The following KATNAL1 variants were observed in gnomAD, a reference collection of about 807,000 sequenced individuals.
KATNAL1 encodes katanin p60 ATPase-containing subunit A-like 1.
In KATNAL1, 32 loss-of-function variants were observed where a neutral mutation model predicts 55.2. The observed-to-expected ratio is 0.58, with a 90% confidence interval of 0.44 to 0.78. KATNAL1 has a LOEUF of 0.78. Among genes scored for constraint, KATNAL1 ranks in the 30% least tolerant of loss-of-function variants. The pLI is 0.00. For missense variants in KATNAL1, 466 were observed against 600.9 expected (o/e 0.78, Z 2.35); for synonymous variants, 193 against 193.6 (o/e 1.00, Z 0.02).
chr13:30,257,725 A>C (rs913916767), intron 3 of KATNAL1, among the ~76,000 whole-genome samples: 1 of 152,068 alleles, frequency 6.6e-6, no homozygotes, highest in Non-Finnish European at 1.5e-5. Context: ...GCCATTACTG[A>C]CCTTGTTCTG....
intron 3 of KATNAL1, among the ~76,000 whole-genome samples, chr13:30,268,049 T>C (rs898202029): frequency 6.6e-6 from 1 of 152,106 alleles, no homozygotes; most frequent in South Asian, 2.1e-4. Context: ...ATTTGTGGAG[T>C]GAAGCGAAAG....
intron 2 of KATNAL1, chr13:30,281,926 A>C (rs1001853749): frequency 6.6e-6 from 1 of 152,186 alleles, no homozygotes; most frequent in Admixed American, 6.5e-5. Flanking sequence ...CAGGTGAAAA[A>C]CACGAGCTTA....
intron 1 of KATNAL1, among the ~76,000 whole-genome samples, chr13:30,293,898 A>T (rs982941579): frequency 6.6e-6 from 1 of 152,198 alleles, no homozygotes; most frequent in Non-Finnish European, 1.5e-5. Context: ...TAATTCTCAC[A>T]ATATTCCAAA....
At chr13:30,300,061 T>C (rs538325795) in intron 1 of KATNAL1, among the ~76,000 whole-genome samples, 6 of 152,086 alleles carry the variant, frequency 3.9e-5, no homozygotes, top group Admixed American at 6.6e-5. Flanking sequence ...ATTGAAAAAA[T>C]GAAAAGCTAG....
intron 6 of KATNAL1, among the ~76,000 whole-genome samples, chr13:30,231,847 CAT>C (rs1292758962): frequency 3.9e-5 from 6 of 152,176 alleles, no homozygotes; most frequent in Admixed American, 3.3e-4. Flanking sequence ...TTTTCTATCA[CAT>C]GTGGCAGAAT....
At chr13:30,306,173 G>A (rs1031156513) in intron 1 of KATNAL1, among the ~76,000 whole-genome samples, 2 of 152,154 alleles carry the variant, frequency 1.3e-5, no homozygotes, top group African/African-American at 4.8e-5. Flanking sequence ...GGTCGTCAAG[G>A]AAGGTTTCGT....
At chr13:30,305,366 T>G (rs1883115028) in intron 1 of KATNAL1, among the ~76,000 whole-genome samples, 1 of 152,238 alleles carries the variant, frequency 6.6e-6, no homozygotes, top group African/African-American at 2.4e-5. Flanking sequence ...CTAGAATGAC[T>G]TTCCTCATCA....
intron 3 of KATNAL1, among the ~76,000 whole-genome samples, chr13:30,277,966 G>A (rs1880976736): frequency 2.7e-5 from 3 of 113,042 alleles, no homozygotes; most frequent in African/African-American, 1.1e-4. Context: ...CTGGGGGACA[G>A]AGCGAGACTC....
intron 1 of KATNAL1, chr13:30,296,324 A>G (rs1167228870): frequency 4.3e-6 from 5 of 1,159,846 alleles, no homozygotes; most frequent in Non-Finnish European, 6.3e-6. Context: ...TGCAGTCAGC[A>G]GCCATGCCGA....
intron 9 of KATNAL1, among the ~76,000 whole-genome samples, chr13:30,221,420 T>G (rs1435252565): frequency 1.3e-5 from 2 of 152,238 alleles, no homozygotes; most frequent in Admixed American, 6.5e-5. Context: ...ATACATAATC[T>G]GTAATCCCTA....
chr13:30,293,582 A>G (rs1882282853), intron 1 of KATNAL1, among the ~76,000 whole-genome samples: 1 of 152,208 alleles, frequency 6.6e-6, no homozygotes, highest in Non-Finnish European at 1.5e-5. Context: ...ACAGTTGATG[A>G]GTTTTGAAAA....
At chr13:30,208,830 A>T in intron 10 of KATNAL1, 92 bp from the exon 11 acceptor site, 1 of 886,132 alleles carries the variant, frequency 1.1e-6, no homozygotes, top group South Asian at 2.2e-5. Flanking sequence ...AAATCAAAAG[A>T]TTATTTTATA....
At chr13:30,245,256 A>T (rs952961076) in intron 4 of KATNAL1, among the ~76,000 whole-genome samples, 2 of 152,188 alleles carry the variant, frequency 1.3e-5, no homozygotes, top group African/African-American at 2.4e-5. Flanking sequence ...CAACATACGC[A>T]AATCAAAAAT....
chr13:30,260,561 T>C (rs1879191149), intron 3 of KATNAL1, among the ~76,000 whole-genome samples: 1 of 151,986 alleles, frequency 6.6e-6, no homozygotes, highest in African/African-American at 2.4e-5. Flanking sequence ...GCTCGAGAAC[T>C]ACGCAAAGAA....
chr13:30,266,821 A>T (rs1320589225), intron 3 of KATNAL1, among the ~76,000 whole-genome samples: 1 of 152,212 alleles, frequency 6.6e-6, no homozygotes, highest in Non-Finnish European at 1.5e-5. Context: ...GTAAACCAGA[A>T]ATTTCAGATG....
At position 30,255,526 on chromosome 13, in the gene KATNAL1, C is replaced by A; in HGVS notation, c.413G>T (p.Arg138Leu). The A allele has an allele frequency of 6.3e-7, 1 of 1,599,416 alleles. No homozygotes were observed. Among genetic ancestry groups the A allele is most frequent in the South Asian group, 1.1e-5 (1 of 89,624 alleles). Reference protein sequence around the residue: ...AGVGARGPVGRAHPISKSEKP... With the variant: ...AGVGARGPVGLAHPISKSEKP... Reference sequence around the variant, plus strand: ...TTCACTCTTTGATATAGGATGTGCTCGGCCTACAGGTCCCCGGGCTCCTAC... The same window carrying A: ...TTCACTCTTTGATATAGGATGTGCTAGGCCTACAGGTCCCCGGGCTCCTAC... Residue 138 changes from arginine to leucine, a missense_variant, in exon 4 of 11, where the codon CGA becomes CTA. Physicochemically the swap from Arg to Leu is moderately radical, Grantham distance 102. Coordinates refer to ENST00000380615, the MANE Select transcript of KATNAL1 (RefSeq NM_032116.5).
intron 3 of KATNAL1, among the ~76,000 whole-genome samples, chr13:30,265,418 G>A (rs200023859): frequency 1.1e-3 from 166 of 149,854 alleles, no homozygotes; most frequent in Non-Finnish European, 1.9e-3. Flanking sequence ...TAAAAAAAAA[G>A]AAAAAAAAGC....
At chr13:30,298,187 TG>T (rs1458923441) in intron 1 of KATNAL1, among the ~76,000 whole-genome samples, 1 of 152,192 alleles carries the variant, frequency 6.6e-6, no homozygotes, top group Non-Finnish European at 1.5e-5. Context: ...TTTACCAAAA[TG>T]GTCTGAAACA....
chr13:30,278,294 T>A (rs1220860066), intron 3 of KATNAL1, among the ~76,000 whole-genome samples: 1 of 151,548 alleles, frequency 6.6e-6, no homozygotes, highest in African/African-American at 2.4e-5. Context: ...AAAACACACA[T>A]ACAATGGCTA....
Sources: gnomAD v4.1 joint callset for allele counts (sites outside exome capture counted in the v4.1 genomes callset) on GRCh38, gnomAD v4.1.1 for gene constraint, MANE v1.5 for transcripts, NCBI Gene and HGNC (gene_info 2026-07-23, HGNC 2026-07-21) for gene names.